Variants in KIAA1217 observed in about 807,000 individuals in gnomAD.
KIAA1217 encodes the protein KIAA1217, also known as sickle tail protein homolog.
In KIAA1217, 88 loss-of-function variants were observed where a neutral mutation model predicts 163.9. The observed-to-expected ratio is 0.54, with a 90% CI of 0.45 to 0.64. The LOEUF (loss-of-function observed/expected upper bound fraction) is 0.64. Ranked by LOEUF, KIAA1217 falls within the 30% of genes least tolerant of loss-of-function variation. The probability of loss-of-function intolerance (pLI) is 0.00; values close to 1 mark genes in which losing one functional copy is unlikely to be tolerated. For synonymous variants in KIAA1217, 903 were observed against 923.1 expected (o/e 0.98, Z 0.39); for missense variants, 2,372 against 2,475.0 (o/e 0.96, Z 0.88).
intron 2 of KIAA1217, among the ~76,000 whole-genome samples, chr10:24,302,494 A>G (rs994884857): frequency 3.9e-5 from 6 of 152,124 alleles, no homozygotes; most frequent in Non-Finnish European, 5.9e-5. Context: ...TATGTTTTCT[A>G]TGTCTATGTT....
chr10:24,139,816 A>C (rs2063980513), intron 2 of KIAA1217, among the ~76,000 whole-genome samples: 4 of 152,138 alleles, frequency 2.6e-5, no homozygotes. Flanking sequence ...GATAGTACCA[A>C]GTCCTATATA....
At chr10:24,507,156 G>A (rs1462835710) in intron 9 of KIAA1217, among the ~76,000 whole-genome samples, 1 of 152,138 alleles carries the variant, frequency 6.6e-6, no homozygotes, top group African/African-American at 2.4e-5. Flanking sequence ...TAACCTAACT[G>A]CTTAAAAATA....
intron 2 of KIAA1217, among the ~76,000 whole-genome samples, chr10:24,321,889 G>A (rs890089918): frequency 2.0e-5 from 3 of 152,030 alleles, no homozygotes; most frequent in Non-Finnish European, 2.9e-5. Flanking sequence ...CCACTGAACC[G>A]GACGCTCAAA....
At chr10:23,700,435 T>C (rs931706503) in intron 1 of KIAA1217, among the ~76,000 whole-genome samples, 1 of 152,064 alleles carries the variant, frequency 6.6e-6, no homozygotes, top group African/African-American at 2.4e-5. Context: ...GCAATACTAC[T>C]AACACATAAG....
At chr10:23,959,895 G>A (rs1844745186) in intron 1 of KIAA1217, among the ~76,000 whole-genome samples, 1 of 151,336 alleles carries the variant, frequency 6.6e-6, no homozygotes, top group Non-Finnish European at 1.5e-5. Flanking sequence ...ACTTCAGAGA[G>A]GAAGGTCATA....
chr10:24,056,080 G>A (rs937656071), intron 2 of KIAA1217, among the ~76,000 whole-genome samples: 4 of 152,138 alleles, frequency 2.6e-5, no homozygotes, highest in Non-Finnish European at 4.4e-5. Flanking sequence ...GTGAAAGTTG[G>A]AGCCATCATT....
At chr10:23,946,412 G>T (rs1278595465) in intron 1 of KIAA1217, among the ~76,000 whole-genome samples, 1 of 151,560 alleles carries the variant, frequency 6.6e-6, no homozygotes, top group East Asian at 1.9e-4. Flanking sequence ...TTATTTCAGG[G>T]GTTCAGATCT....
intron 2 of KIAA1217, among the ~76,000 whole-genome samples, chr10:24,297,942 C>T (rs1202716501): frequency 6.6e-6 from 1 of 151,164 alleles, no homozygotes; most frequent in Non-Finnish European, 1.5e-5. Flanking sequence ...CCTTGCAAGG[C>T]ATAGGATAGT....
chr10:24,156,831 C>G (rs1270998176), intron 2 of KIAA1217, among the ~76,000 whole-genome samples: 1 of 152,162 alleles, frequency 6.6e-6, no homozygotes, highest in Non-Finnish European at 1.5e-5. Context: ...CATGTTTTCC[C>G]CTGGCTCTTC....
At chr10:24,084,653 G>A (rs186543497) in intron 2 of KIAA1217, among the ~76,000 whole-genome samples, 93 of 152,284 alleles carry the variant, frequency 6.1e-4, no homozygotes, top group African/African-American at 2.2e-3. Flanking sequence ...GAGAGGAGGA[G>A]GAAAACCAGG....
chr10:23,934,579 A>ATGTGTGTGTGTGTGTATG lies in KIAA1217; in HGVS notation c.-320-72645_-320-72644insGTGTGTGTGTGTGTATGT, dbSNP rs1437127714. Reference sequence around the variant, plus strand: ...AAAGTATATATATATATATATATATATATATATATATGTATATATATATAT... The same window carrying ATGTGTGTGTGTGTGTATG: ...AAAGTATATATATATATATATATATATGTGTGTGTGTGTGTATGTATATATATATGTATATATATATAT... On this transcript the variant is annotated intron_variant, in intron 1 of 18. Coordinates refer to the KIAA1217 transcript ENST00000376462. Among the ~76,000 whole-genome samples the ATGTGTGTGTGTGTGTATG allele has an allele frequency of 4.0e-4, 24 of 59,778 alleles. 1 individual carries two copies. The highest frequency in any genetic ancestry group is 3.2e-3 in the African/African-American group (22 of 6,816). 39.2% of individuals were successfully genotyped at this position (59,778 alleles called of 152,430 possible). A position where few individuals can be genotyped will look rare whatever the true frequency, so the allele number is the denominator to read the frequency against.
chr10:24,008,438 A>C (rs1847102908), intron 2 of KIAA1217, among the ~76,000 whole-genome samples: 1 of 152,128 alleles, frequency 6.6e-6, no homozygotes, highest in Admixed American at 6.6e-5. Context: ...GTGACGGTAG[A>C]AAGTTTGCAA....
chr10:24,088,405 C>T (rs2061793681), intron 2 of KIAA1217, among the ~76,000 whole-genome samples: 1 of 116,518 alleles, frequency 8.6e-6, no homozygotes, highest in Non-Finnish European at 2.1e-5. Context: ...ATTAACTCGT[C>T]ATTTACATTA....
chr10:23,975,181 C>G (rs535166688), intron 1 of KIAA1217, among the ~76,000 whole-genome samples: 1 of 152,234 alleles, frequency 6.6e-6, no homozygotes, highest in African/African-American at 2.4e-5. Context: ...AAGTCACTGG[C>G]CCCAGAGGCA....
intron 2 of KIAA1217, among the ~76,000 whole-genome samples, chr10:24,066,611 A>G (rs1023628142): frequency 2.6e-5 from 4 of 152,030 alleles, no homozygotes; most frequent in Non-Finnish European, 5.9e-5. Flanking sequence ...GAATCTGACA[A>G]TTATGTGTCT....
At chr10:23,969,192 G>A (rs1411253703) in intron 1 of KIAA1217, among the ~76,000 whole-genome samples, 3 of 152,084 alleles carry the variant, frequency 2.0e-5, no homozygotes, top group Admixed American at 6.5e-5. Context: ...GCGCCACTAT[G>A]CCTGCCTAAT....
intron 1 of KIAA1217, among the ~76,000 whole-genome samples, chr10:23,748,749 C>G (rs1446527064): frequency 6.6e-6 from 1 of 152,134 alleles, no homozygotes; most frequent in East Asian, 1.9e-4. Flanking sequence ...ATCCACGGTC[C>G]TGTGAGGTTC....
chr10:24,519,188 C>A (rs2070694290), intron 10 of KIAA1217, among the ~76,000 whole-genome samples: 1 of 152,140 alleles, frequency 6.6e-6, no homozygotes, highest in South Asian at 2.1e-4. Context: ...ACTTACTGCC[C>A]CCTAGTGGTC....
Position 24,453,865 on chromosome 10 carries a change from C to T in KIAA1217, c.846+15386C>T, listed in dbSNP as rs146818634. ...AAGTCACAACTATAATTCTTAGTCA[C>T]GACTAAGGAGAGAAAAAGTCAATTT... On this transcript the variant is annotated intron_variant, in intron 5 of 20. Transcript: ENST00000376454. 1.9e-3 allele frequency among the ~76,000 whole-genome samples: 283 copies of T among 152,090 alleles called. 1 individual carries two copies. Among genetic ancestry groups the T allele is most frequent in the African/African-American group, 6.5e-3 (270 of 41,480 alleles).
Sources: allele counts gnomAD v4.1 joint callset (sites outside exome capture counted in the v4.1 genomes callset), GRCh38; gene constraint gnomAD v4.1.1; transcripts MANE v1.5; gene names NCBI Gene and HGNC (gene_info 2026-07-23, HGNC 2026-07-21).